The following LRRC37A2 variants were observed in gnomAD, a reference collection of about 807,000 sequenced individuals.
LRRC37A2 encodes leucine-rich repeat-containing protein 37A2.
In LRRC37A2, 9 loss-of-function variants were observed where a neutral mutation model predicts 68.8. That is an observed-to-expected ratio of 0.13 (90% CI 0.08 to 0.23). The LOEUF is 0.23. LRRC37A2 is among the 10% of genes least tolerant of loss of function. The pLI is 1.00. For missense variants in LRRC37A2, 168 were observed against 950.4 expected (o/e 0.18, Z 10.82); for synonymous variants, 63 against 367.6 (o/e 0.17, Z 9.48).
chr17:46,768,917 C>T, the LRRC37A2 span: 1 of 1,457,848 alleles, frequency 6.9e-7, no homozygotes, highest in Non-Finnish European at 9.2e-7. This position sits in a 1 kb window ranked among gnomAD's most constrained non-coding sequence, Gnocchi z 5.0. Context: ...TCCTCTGTGA[C>T]AGGAAGAGAA....
chr17:46,789,587 G>A, the LRRC37A2 span, among the ~76,000 whole-genome samples: 1 of 81,418 alleles, frequency 1.2e-5, no homozygotes, highest in East Asian at 2.4e-4. Context: ...AGCTTTGAGA[G>A]GTAACCTCTC....
chr17:46,840,970 T>C, the LRRC37A2 span, among the ~76,000 whole-genome samples: 1 of 152,188 alleles, frequency 6.6e-6, no homozygotes, highest in South Asian at 2.1e-4. Flanking sequence ...AGCAGCCGGT[T>C]CTGTTTCCAA....
the LRRC37A2 span, among the ~76,000 whole-genome samples, chr17:46,887,039 A>G: frequency 1.3e-5 from 2 of 151,846 alleles, no homozygotes; most frequent in Non-Finnish European, 2.9e-5. Flanking sequence ...CTGGTCTCGA[A>G]CTCCTGGGCT....
At chr17:46,734,422 T>G in the LRRC37A2 span, among the ~76,000 whole-genome samples, 1 of 152,166 alleles carries the variant, frequency 6.6e-6, no homozygotes, top group Non-Finnish European at 1.5e-5. Flanking sequence ...CTTGACAGTT[T>G]AGTGGCCTTC....
the LRRC37A2 span, among the ~76,000 whole-genome samples, chr17:46,850,343 C>A: frequency 4.9e-3 from 739 of 152,266 alleles, 10 homozygotes; most frequent in African/African-American, 0.017. Context: ...ATCATGTAAT[C>A]ACTGCGCTCA....
At chr17:46,924,503 AT>A in the LRRC37A2 span, 1 of 152,228 alleles carries the variant, frequency 6.6e-6, no homozygotes, top group African/African-American at 2.4e-5. Flanking sequence ...TTTCAAACTT[AT>A]GCTGTAGTTT....
the LRRC37A2 span, chr17:46,764,445 G>A: frequency 6.6e-6 from 1 of 152,488 alleles, no homozygotes; most frequent in Non-Finnish European, 1.5e-5. Context: ...TGTAAGATGA[G>A]AGAGAGGGAG....
chr17:46,942,783 A>G, the LRRC37A2 span, among the ~76,000 whole-genome samples: 1 of 152,212 alleles, frequency 6.6e-6, no homozygotes. Flanking sequence ...AGAAGCTGAG[A>G]AAGGAAAGTG....
chr17:46,403,634 A>G, the LRRC37A2 span, among the ~76,000 whole-genome samples: 1 of 84,306 alleles, frequency 1.2e-5, no homozygotes, highest in South Asian at 5.0e-4. Flanking sequence ...TTGCAGCAAT[A>G]GTTTACCTGT....
the LRRC37A2 span, among the ~76,000 whole-genome samples, chr17:46,945,868 C>T: frequency 6.6e-6 from 1 of 152,148 alleles, no homozygotes; most frequent in East Asian, 1.9e-4. Flanking sequence ...GGAGATAAAC[C>T]CCTGATCGCT....
At chr17:46,987,391 A>G in the LRRC37A2 span, among the ~76,000 whole-genome samples, 2 of 152,202 alleles carry the variant, frequency 1.3e-5, no homozygotes, top group African/African-American at 4.8e-5. Flanking sequence ...GAGACACACG[A>G]TCAGCCTGGC....
the LRRC37A2 span, among the ~76,000 whole-genome samples, chr17:46,777,147 T>C: frequency 8.6e-5 from 13 of 150,510 alleles, no homozygotes; most frequent in African/African-American, 2.9e-4. Context: ...GAGGTGGAGG[T>C]TGTTGTGAGC....
the LRRC37A2 span, chr17:46,939,772 CT>C: frequency 1.0e-6 from 1 of 987,360 alleles, no homozygotes; most frequent in Non-Finnish European, 1.2e-6. Flanking sequence ...GGACTACAAC[CT>C]TTTTCCTTCT....
chr17:46,456,149 C>T, the LRRC37A2 span, among the ~76,000 whole-genome samples: 1 of 106,972 alleles, frequency 9.3e-6, no homozygotes, highest in Admixed American at 9.2e-5. Flanking sequence ...CAGCTCCATC[C>T]ATGTTGTAGC....
At chr17:47,036,240 T>C in the LRRC37A2 span, among the ~76,000 whole-genome samples, 5 of 152,362 alleles carry the variant, frequency 3.3e-5, no homozygotes, top group African/African-American at 1.2e-4. Context: ...TGTCTTACTC[T>C]TCTTTAAAAA....
chr17:46,709,340 T>TA, the LRRC37A2 span, among the ~76,000 whole-genome samples: 37 of 148,120 alleles, frequency 2.5e-4, no homozygotes, highest in South Asian at 6.4e-4. Flanking sequence ...GTCTGGAGGA[T>TA]AAAAAAAAAA....
the LRRC37A2 span, among the ~76,000 whole-genome samples, chr17:46,798,539 C>T: frequency 1.3e-5 from 2 of 152,212 alleles, no homozygotes; most frequent in Non-Finnish European, 2.9e-5. Flanking sequence ...CTTCTTCACC[C>T]TGAATTCCTT....
At chr17:47,009,623 C>T in the LRRC37A2 span, among the ~76,000 whole-genome samples, 4 of 152,222 alleles carry the variant, frequency 2.6e-5, no homozygotes, top group South Asian at 2.1e-4. Context: ...TCATTCAGGT[C>T]CCTGAAGCCC....
At chr17:46,998,020 A>C in the LRRC37A2 span, among the ~76,000 whole-genome samples, 1 of 151,744 alleles carries the variant, frequency 6.6e-6, no homozygotes, top group Non-Finnish European at 1.5e-5. Context: ...ATGGAAGAGG[A>C]ATCCATGGAT....
Sources: gnomAD v4.1 joint callset for allele counts (sites outside exome capture counted in the v4.1 genomes callset) on GRCh38, gnomAD v4.1.1 for gene constraint, Gnocchi (gnomAD v3.1) non-coding constraint, MANE v1.5 for transcripts, NCBI Gene and HGNC (gene_info 2026-07-23, HGNC 2026-07-21) for gene names.